The following HS3ST3A1 variants were observed in gnomAD, a reference collection of about 807,000 sequenced individuals.
HS3ST3A1 encodes heparan sulfate-glucosamine 3-sulfotransferase 3A1.
HS3ST3A1 carries 19 observed loss-of-function variants against 25.7 expected under a neutral mutation model. The observed-to-expected ratio is 0.74, with a 90% CI of 0.52 to 1.08. The LOEUF (loss-of-function observed/expected upper bound fraction) is 1.08. Among genes scored for constraint, HS3ST3A1 ranks in the 50% least tolerant of loss-of-function variants. HS3ST3A1 has a pLI of 0.00. For synonymous variants in HS3ST3A1, 226 were observed against 278.6 expected, an observed-to-expected ratio of 0.81 and a Z score of 1.88; for missense variants, 459 against 594.3, an observed-to-expected ratio of 0.77 and a Z score of 2.37.
intron 1 of HS3ST3A1, among the ~76,000 whole-genome samples, chr17:13,517,353 C>G (rs576879265): frequency 2.0e-5 from 3 of 152,180 alleles, no homozygotes; most frequent in South Asian, 2.1e-4. Context: ...AAGGTAATGT[C>G]CCTGAGACAA....
At chr17:13,594,400 C>G (rs1368816335) in intron 1 of HS3ST3A1, among the ~76,000 whole-genome samples, 1 of 152,200 alleles carries the variant, frequency 6.6e-6, no homozygotes, top group Non-Finnish European at 1.5e-5. Flanking sequence ...TCCTGTGAAG[C>G]TGTCCCGTGT....
At chr17:13,534,591 G>A (rs1906712504) in intron 1 of HS3ST3A1, among the ~76,000 whole-genome samples, 1 of 146,618 alleles carries the variant, frequency 6.8e-6, no homozygotes, top group African/African-American at 2.5e-5. Flanking sequence ...AGCCGGGCAT[G>A]GTGGCATGCA....
chr17:13,527,960 AT>A (rs36019089), intron 1 of HS3ST3A1, among the ~76,000 whole-genome samples: 15 of 151,294 alleles, frequency 9.9e-5, no homozygotes, highest in East Asian at 3.9e-4. Context: ...TAATGTTCTT[AT>A]TTTTTTTTAC....
At chr17:13,562,025 G>T (rs996237410) in intron 1 of HS3ST3A1, among the ~76,000 whole-genome samples, 1 of 151,984 alleles carries the variant, frequency 6.6e-6, no homozygotes, top group African/African-American at 2.4e-5. Flanking sequence ...AAGTCACGCC[G>T]CCCATGTCCC....
At chr17:13,585,911 G>A (rs1018905719) in intron 1 of HS3ST3A1, among the ~76,000 whole-genome samples, 18 of 137,540 alleles carry the variant, frequency 1.3e-4, no homozygotes, top group African/African-American at 4.5e-4. Flanking sequence ...GTACAGTGGC[G>A]CAATCTCGGC....
At chr17:13,555,140 AC>A (rs1202088594) in intron 1 of HS3ST3A1, among the ~76,000 whole-genome samples, 2 of 152,140 alleles carry the variant, frequency 1.3e-5, no homozygotes, top group African/African-American at 4.8e-5. Flanking sequence ...CTGAACAAAA[AC>A]ACTTATGGCT....
chr17:13,542,121 A>G lies in HS3ST3A1; in HGVS notation c.600-45303T>C, dbSNP rs144651167. Among the ~76,000 whole-genome samples, 310 of 152,226 alleles carry G rather than the reference A, an allele frequency of 2.0e-3. 4 individuals carry two copies. The highest frequency in any genetic ancestry group is 6.5e-3 in the African/African-American group (272 of 41,544). On this transcript the variant is annotated intron_variant, in intron 1 of 1. Transcript: ENST00000284110. ...GGCAGGTGGATCACTTGAGGTTAGGAGTCTGAGACCAGTCTGGCCAGCATG... is the reference window on the plus strand; with the variant it reads ...GGCAGGTGGATCACTTGAGGTTAGGGGTCTGAGACCAGTCTGGCCAGCATG...
chr17:13,576,425 A>T (rs1386912451), intron 1 of HS3ST3A1, among the ~76,000 whole-genome samples: 1 of 152,244 alleles, frequency 6.6e-6, no homozygotes, highest in Non-Finnish European at 1.5e-5. Flanking sequence ...ATGGCAGCTA[A>T]TTTCTGCTAC....
At chr17:13,513,455 G>C (rs1905945512) in intron 1 of HS3ST3A1, among the ~76,000 whole-genome samples, 1 of 152,114 alleles carries the variant, frequency 6.6e-6, no homozygotes, top group Admixed American at 6.6e-5. Context: ...AGAAAACTTA[G>C]AAAATTCCCA....
chr17:13,596,727 C>T (rs1179395932), intron 1 of HS3ST3A1, among the ~76,000 whole-genome samples: 3 of 152,090 alleles, frequency 2.0e-5, no homozygotes, highest in African/African-American at 4.8e-5. Context: ...CTTGCATGGG[C>T]GGCCAGACTG....
chr17:13,531,099 TA>T lies in HS3ST3A1; in HGVS notation c.600-34282del, dbSNP rs577629079. Among the ~76,000 whole-genome samples the T allele has an allele frequency of 5.5e-3, 737 of 135,170 alleles. 4 individuals are homozygous for T. Among genetic ancestry groups the T allele is most frequent in the African/African-American group, 0.025 (706 of 28,038 alleles). The allele number at this position is 135,170 out of a possible 152,430, so 88.7% of individuals were successfully genotyped here. ...ATGTATTGCATGAGCTTAAACTTCT[TA>T]ATTTAATCAAGCATTTAGGGAATAA... On this transcript the variant is annotated intron_variant, in intron 1 of 1. Coordinates refer to ENST00000284110, the MANE Select transcript of HS3ST3A1 (RefSeq NM_006042.3).
At chr17:13,527,247 T>C (rs1906460979) in intron 1 of HS3ST3A1, among the ~76,000 whole-genome samples, 1 of 152,140 alleles carries the variant, frequency 6.6e-6, no homozygotes. Context: ...CACTGAACTA[T>C]GTTCCTATCT....
chr17:13,574,612 G>A (rs992156333), intron 1 of HS3ST3A1, among the ~76,000 whole-genome samples: 4 of 151,936 alleles, frequency 2.6e-5, no homozygotes, highest in Non-Finnish European at 5.9e-5. Context: ...CAGCTACTCA[G>A]GAGGCTGAGG....
intron 1 of HS3ST3A1, among the ~76,000 whole-genome samples, chr17:13,500,320 A>G (rs1567607722): frequency 6.6e-6 from 1 of 152,210 alleles, no homozygotes; most frequent in African/African-American, 2.4e-5. Context: ...TTACTTTTGC[A>G]TCAACCTAAC....
At chr17:13,563,310 A>G (rs1033460656) in intron 1 of HS3ST3A1, among the ~76,000 whole-genome samples, 7 of 152,024 alleles carry the variant, frequency 4.6e-5, no homozygotes, top group African/African-American at 1.4e-4. Flanking sequence ...GGGATTTAGG[A>G]GGGAGCTTCC....
Position 13,600,653 on chromosome 17 carries a change from T to G in HS3ST3A1, c.477A>C (p.Gly159=). The change falls in exon 1 of 2, where the codon GGA becomes GGC. Residue 159 remains glycine, a synonymous_variant. Coordinates refer to ENST00000284110, the MANE Select transcript of HS3ST3A1 (RefSeq NM_006042.3). ...SKQLPQAIII[G]VKKGGTRALL... ...GCGCCCGCGTGCCGCCCTTCTTCAC[T>G]CCGATGATGATGGCCTGCGGCAGCT... is the stretch of plus-strand genomic sequence containing the variant. 1 of 1,593,954 alleles carries G rather than the reference T, an allele frequency of 6.3e-7. No homozygotes were observed. Among genetic ancestry groups the G allele is most frequent in the Non-Finnish European group, 8.5e-7 (1 of 1,175,840 alleles).
intron 1 of HS3ST3A1, among the ~76,000 whole-genome samples, chr17:13,524,090 C>T (rs912410347): frequency 3.3e-5 from 5 of 152,050 alleles, no homozygotes; most frequent in African/African-American, 1.2e-4. Context: ...TAGTTTTTAA[C>T]CTTATATTGA....
intron 1 of HS3ST3A1, among the ~76,000 whole-genome samples, chr17:13,596,503 A>G (rs898261128): frequency 6.6e-5 from 10 of 151,780 alleles, no homozygotes; most frequent in Admixed American, 5.9e-4. Flanking sequence ...GGATGAGCCC[A>G]GAGTTCAGAC....
At chr17:13,509,440 A>G (rs919808846) in intron 1 of HS3ST3A1, among the ~76,000 whole-genome samples, 1 of 152,338 alleles carries the variant, frequency 6.6e-6, no homozygotes, top group Non-Finnish European at 1.5e-5. Context: ...ATCAGTCAAA[A>G]TAGAAATGTC....
Sources: gnomAD v4.1 joint callset for allele counts (sites outside exome capture counted in the v4.1 genomes callset) on GRCh38, gnomAD v4.1.1 for gene constraint, MANE v1.5 for transcripts, NCBI Gene and HGNC (gene_info 2026-07-23, HGNC 2026-07-21) for gene names.